ZNF831: variants seen among roughly 807,000 people sequenced by gnomAD.
ZNF831 encodes the protein zinc finger protein 831.
Under a neutral mutation model 95.8 loss-of-function variants are expected in ZNF831, and 59 were observed. The observed-to-expected ratio is 0.62, with a 90% CI of 0.50 to 0.77. The LOEUF is 0.77. Ranked by LOEUF, ZNF831 falls within the 30% of genes least tolerant of loss-of-function variation. The pLI is 0.00. For missense variants in ZNF831, 2,205 were observed against 2,164.0 expected (o/e 1.02, Z -0.38); for synonymous variants, 961 against 925.5 (o/e 1.04, Z -0.70).
chr20:59,229,702 C>T (rs1986624411), intron 4 of ZNF831, among the ~76,000 whole-genome samples: 1 of 152,138 alleles, frequency 6.6e-6, no homozygotes, highest in Admixed American at 6.5e-5. Context: ...GACCTAGGAC[C>T]TTTCTCTGTT....
At chr20:59,146,605 C>G (rs888691746) in intron 2 of ZNF831, 1 of 152,274 alleles carries the variant, frequency 6.6e-6, no homozygotes, top group Non-Finnish European at 1.5e-5. Context: ...CCTCACCTTT[C>G]AGCACAGCCT....
At chr20:59,152,684 T>G (rs1472468271) in intron 2 of ZNF831, among the ~76,000 whole-genome samples, 1 of 152,134 alleles carries the variant, frequency 6.6e-6, no homozygotes. Flanking sequence ...CCTGAGGGCA[T>G]AAGTGAAGCT....
rs372174087 is a variant in ZNF831, at chr20:59,222,623, G to A, written c.4027+15567G>A. ...AACAAGCCTTGTGAATTTATTACCCGGAAGAAAGCGCAGAGGGCTGGGATT... is the reference window on the plus strand; with the variant it reads ...AACAAGCCTTGTGAATTTATTACCCAGAAGAAAGCGCAGAGGGCTGGGATT... On this transcript the variant is annotated intron_variant, in intron 4 of 5. Transcript: ENST00000371030. 2.7e-4 allele frequency among the ~76,000 whole-genome samples: 41 copies of A among 152,246 alleles called. 1 individual carries two copies. Among genetic ancestry groups the A allele is most frequent in the African/African-American group, 8.4e-4 (35 of 41,550 alleles).
In ZNF831 at chr20:59,195,917, G is replaced by A; in HGVS notation, c.3787G>A (p.Glu1263Lys). 1 of 1,614,198 alleles carries A rather than the reference G, an allele frequency of 6.2e-7. No homozygotes were observed. The change falls in exon 3 of 6, where the codon GAG becomes AAG. Residue 1263 changes from glutamate to lysine, a missense_variant. By Grantham distance (56) the Glu-to-Lys change is moderately conservative. Transcript: ENST00000371030. ...GGTGATGCCCCAGCACCAGGTGTCT[G>A]AGCCAGAATGGAAGAAAGGCCTGCC... The part of the protein sequence containing the change: ...PGVMPQHQVS[E>K]PEWKKGLPWR...
chr20:59,185,046 A>G (rs1243849878), intron 1 of ZNF831, among the ~76,000 whole-genome samples: 6 of 152,110 alleles, frequency 3.9e-5, no homozygotes, highest in Non-Finnish European at 7.3e-5. Flanking sequence ...CATTCAGTCC[A>G]GGTGACCAAG....
chr20:59,252,438 T>G (rs1294442182), intron 4 of ZNF831, among the ~76,000 whole-genome samples: 1 of 152,200 alleles, frequency 6.6e-6, no homozygotes, highest in Non-Finnish European at 1.5e-5. Flanking sequence ...AGTGCTGTTT[T>G]GTGGATATTG....
In ZNF831 at chr20:59,222,057, C is replaced by T. The variant is rs1294576643; in HGVS notation, c.4027+15001C>T. ...GAATCATAGTTAATGTGCGACGCCCCCTCCCTTAACTGCGCTGTTTTCTTT... is the reference window on the plus strand; with the variant it reads ...GAATCATAGTTAATGTGCGACGCCCTCTCCCTTAACTGCGCTGTTTTCTTT... On this transcript the variant is annotated intron_variant, in intron 4 of 5. Transcript: ENST00000371030. Among the ~76,000 whole-genome samples the T allele has an allele frequency of 5.9e-5, 9 of 152,228 alleles. No homozygotes were observed. The East Asian group carries it at 1.7e-3, about 29-fold the overall frequency.
intron 1 of ZNF831, among the ~76,000 whole-genome samples, chr20:59,174,069 C>T (rs1981952061): frequency 6.6e-6 from 1 of 152,110 alleles, no homozygotes. Flanking sequence ...TGCTGGATAG[C>T]AGACCATGCA....
intron 1 of ZNF831, among the ~76,000 whole-genome samples, chr20:59,132,834 G>A (rs1979389549): frequency 6.6e-6 from 1 of 152,248 alleles, no homozygotes; most frequent in Non-Finnish European, 1.5e-5. Context: ...GCCCGGGTGA[G>A]CTGTGCCAAG....
At chr20:59,164,379 GC>G (rs1981089071) in intron 1 of ZNF831, among the ~76,000 whole-genome samples, 172 bp downstream of exon 1, 1 of 152,172 alleles carries the variant, frequency 6.6e-6, no homozygotes, top group African/African-American at 2.4e-5. Flanking sequence ...GCTTAATACT[GC>G]TGTTGCTTTT....
chr20:59,258,503 T>C lies in ZNF831; in HGVS notation c.*3760T>C, dbSNP rs971392275. On this transcript the variant is annotated 3_prime_UTR_variant, in exon 6 of 6. Transcript: ENST00000371030. ...AGCAGATCTTTATAGTTATGGAAAC[T>C]GTCATCATTATCGGAATGTGCTGCT... 3.3e-5 allele frequency: 5 copies of C among 152,680 alleles called. No individual in the cohort carries two copies. The highest frequency in any genetic ancestry group is 1.2e-4 in the African/African-American group (5 of 41,466). The allele number at this position is 152,680 out of a possible 1,614,324, so 9.5% of individuals were successfully genotyped here.
chr20:59,180,700 G>T (rs940480354), intron 1 of ZNF831, among the ~76,000 whole-genome samples: 1 of 152,190 alleles, frequency 6.6e-6, no homozygotes, highest in Non-Finnish European at 1.5e-5. Flanking sequence ...CAAAGGACAT[G>T]AACTCATTCT....
At chr20:59,151,727 T>C (rs1184657894) in intron 2 of ZNF831, among the ~76,000 whole-genome samples, 1 of 152,182 alleles carries the variant, frequency 6.6e-6, no homozygotes, top group Admixed American at 6.5e-5. Context: ...TAGCTAAGAT[T>C]GTTTTGTATT....
intron 4 of ZNF831, among the ~76,000 whole-genome samples, chr20:59,210,373 G>T (rs1380777343): frequency 6.6e-6 from 1 of 152,160 alleles, no homozygotes; most frequent in Non-Finnish European, 1.5e-5. Context: ...GCGGGATGGG[G>T]CTCCGCGGAG....
intron 4 of ZNF831, among the ~76,000 whole-genome samples, chr20:59,230,354 C>T (rs1986657940): frequency 6.6e-6 from 1 of 152,224 alleles, no homozygotes; most frequent in East Asian, 1.9e-4. Context: ...TGCCTGTAAT[C>T]CCAGCCACTT....
intron 1 of ZNF831, among the ~76,000 whole-genome samples, chr20:59,144,499 T>C (rs1322721009): frequency 2.0e-5 from 3 of 152,110 alleles, no homozygotes; most frequent in African/African-American, 7.2e-5. Context: ...ATTAAAAATG[T>C]CCTCAGACAT....
rs766917974 is a variant in ZNF831 at position 59,194,901 on chromosome 20, A to T, written c.3738+144A>T. On this transcript the variant is annotated intron_variant, in intron 2 of 5. Coordinates refer to ENST00000371030, the MANE Select transcript of ZNF831 (RefSeq NM_178457.3). ...TGCTTGTTCCTGAGGGAGGCTGGGGATACCACATAGACAGCAGGAAGGAAT... is the reference window on the plus strand; with the variant it reads ...TGCTTGTTCCTGAGGGAGGCTGGGGTTACCACATAGACAGCAGGAAGGAAT... The T allele has an allele frequency of 3.6e-5, 44 of 1,223,466 alleles. No homozygotes were observed. The Admixed American group carries it at 1.0e-3, about 28-fold the overall frequency. 75.8% of individuals were successfully genotyped at this position (1,223,466 alleles called of 1,614,324 possible).
chr20:59,148,679 C>CAAAAAAAAAAAAAAAAAAA (rs35635821), intron 2 of ZNF831, among the ~76,000 whole-genome samples: 1 of 16,212 alleles, frequency 6.2e-5, no homozygotes, highest in African/African-American at 1.8e-4. Context: ...AACTCCGTCT[C>CAAAAAAAAAAAAAAAAAAA]AAAAAAAAAA....
upstream of ZNF831, among the ~76,000 whole-genome samples, chr20:59,163,705 C>T (rs1161479173): frequency 2.7e-5 from 4 of 148,244 alleles, no homozygotes; most frequent in African/African-American, 5.0e-5. Flanking sequence ...AAGAGCTGAG[C>T]GGTGGCTCTT....
Sources: allele counts gnomAD v4.1 joint callset (sites outside exome capture counted in the v4.1 genomes callset), GRCh38; gene constraint gnomAD v4.1.1; transcripts MANE v1.5; gene names NCBI Gene and HGNC (gene_info 2026-07-23, HGNC 2026-07-21).